HEMK2: variants seen among roughly 807,000 people sequenced by gnomAD.
HEMK2 encodes the protein HemK methyltransferase 2, ETF1 glutamine and histone H4 lysine, also known as methyltransferase HEMK2.
the HEMK2 span, among the ~76,000 whole-genome samples, chr21:28,668,179 T>C: frequency 1.1e-3 from 160 of 152,308 alleles, no homozygotes; most frequent in Non-Finnish European, 1.6e-3. Context: ...AAAGGCATCT[T>C]GAAATCTAAC....
chr21:28,845,085 C>T, the HEMK2 span, among the ~76,000 whole-genome samples: 4 of 152,002 alleles, frequency 2.6e-5, no homozygotes, highest in African/African-American at 9.7e-5. Context: ...AAGGCTTTTA[C>T]AATTTTATTT....
chr21:28,866,148 G>GAAAA, the HEMK2 span, among the ~76,000 whole-genome samples: 33 of 17,478 alleles, frequency 1.9e-3, 2 homozygotes, highest in African/African-American at 4.0e-3. Flanking sequence ...TGTCTCTACA[G>GAAAA]AAAAAACAAA....
the HEMK2 span, among the ~76,000 whole-genome samples, chr21:28,727,183 T>A: frequency 6.6e-6 from 1 of 152,140 alleles, no homozygotes; most frequent in Non-Finnish European, 1.5e-5. Context: ...TATAGGGGAT[T>A]TGAGGATCTG....
At chr21:28,868,611 G>T in the HEMK2 span, among the ~76,000 whole-genome samples, 2 of 152,254 alleles carry the variant, frequency 1.3e-5, no homozygotes, top group South Asian at 4.1e-4. Context: ...CTAAGCTTGT[G>T]GGGTGGAGGT....
chr21:28,742,237 C>T, the HEMK2 span, among the ~76,000 whole-genome samples: 2 of 152,180 alleles, frequency 1.3e-5, no homozygotes, highest in Middle Eastern at 3.2e-3. Flanking sequence ...AAGAAGTTTG[C>T]TGGCCCCTGG....
At chr21:28,769,644 T>C in the HEMK2 span, among the ~76,000 whole-genome samples, 1 of 152,160 alleles carries the variant, frequency 6.6e-6, no homozygotes, top group Non-Finnish European at 1.5e-5. Flanking sequence ...CCTTTTTCTC[T>C]CTCACTTGCT....
At chr21:28,619,710 T>C in the HEMK2 span, among the ~76,000 whole-genome samples, 1 of 152,226 alleles carries the variant, frequency 6.6e-6, no homozygotes, top group Non-Finnish European at 1.5e-5. Flanking sequence ...AGAAGAACTA[T>C]TGATTCAGTG....
chr21:28,658,753 C>G, the HEMK2 span, among the ~76,000 whole-genome samples: 1 of 152,058 alleles, frequency 6.6e-6, no homozygotes, highest in African/African-American at 2.4e-5. Flanking sequence ...GACAAAAAAC[C>G]TCTTGTCCTT....
the HEMK2 span, among the ~76,000 whole-genome samples, chr21:28,686,142 G>A: frequency 6.6e-6 from 1 of 152,178 alleles, no homozygotes; most frequent in South Asian, 2.1e-4. Flanking sequence ...GTTTGGTGAA[G>A]GAGAGAATCT....
chr21:28,825,149 T>A, the HEMK2 span, among the ~76,000 whole-genome samples: 6 of 152,082 alleles, frequency 3.9e-5, no homozygotes. Context: ...GGCTTTGAAG[T>A]CTAGCTGGGA....
At chr21:28,840,283 A>C in the HEMK2 span, among the ~76,000 whole-genome samples, 1 of 152,264 alleles carries the variant, frequency 6.6e-6, no homozygotes, top group Non-Finnish European at 1.5e-5. Flanking sequence ...CATTGGAAAA[A>C]CCCTTCTAGA....
chr21:28,696,601 G>A, the HEMK2 span, among the ~76,000 whole-genome samples: 1 of 152,050 alleles, frequency 6.6e-6, no homozygotes, highest in African/African-American at 2.4e-5. Context: ...ACCATTCTGG[G>A]GTCTAGCGGA....
chr21:28,739,904 T>C, the HEMK2 span, among the ~76,000 whole-genome samples: 1 of 152,184 alleles, frequency 6.6e-6, no homozygotes, highest in African/African-American at 2.4e-5. Flanking sequence ...TGGGAAATTT[T>C]TCCCGAAAGA....
chr21:28,672,811 T>C, the HEMK2 span, among the ~76,000 whole-genome samples: 1 of 152,118 alleles, frequency 6.6e-6, no homozygotes, highest in Non-Finnish European at 1.5e-5. Flanking sequence ...AAATTAAAAA[T>C]GTAATTCTTC....
At chr21:28,720,963 T>G in the HEMK2 span, among the ~76,000 whole-genome samples, 2 of 152,204 alleles carry the variant, frequency 1.3e-5, no homozygotes, top group Non-Finnish European at 2.9e-5. Flanking sequence ...AAAGAGGTAT[T>G]ATCTTAGGAT....
At chr21:28,603,978 A>C in the HEMK2 span, among the ~76,000 whole-genome samples, 55 of 152,212 alleles carry the variant, frequency 3.6e-4, no homozygotes, top group African/African-American at 1.3e-3. Context: ...CTGCGTACTC[A>C]TCTGGTCCAG....
At chr21:28,747,311 T>C in the HEMK2 span, among the ~76,000 whole-genome samples, 6 of 152,324 alleles carry the variant, frequency 3.9e-5, no homozygotes, top group East Asian at 1.2e-3. Context: ...AGTCCAGCTA[T>C]TGGACCTCAT....
chr21:28,746,318 A>G, the HEMK2 span, among the ~76,000 whole-genome samples: 1 of 152,040 alleles, frequency 6.6e-6, no homozygotes, highest in African/African-American at 2.4e-5. Flanking sequence ...GGTACATACT[A>G]CTCTTAGTAT....
chr21:28,738,127 GT>G, the HEMK2 span, among the ~76,000 whole-genome samples: 2 of 152,172 alleles, frequency 1.3e-5, no homozygotes, highest in South Asian at 4.1e-4. Flanking sequence ...CTCTTTACAT[GT>G]TCATCTTTTT....
Sources: gnomAD v4.1 joint callset for allele counts (sites outside exome capture counted in the v4.1 genomes callset) on GRCh38, gnomAD v4.1.1 for gene constraint, MANE v1.5 for transcripts, NCBI Gene and HGNC (gene_info 2026-07-23, HGNC 2026-07-21) for gene names.